Variants in CARMIL1 observed in about 807,000 individuals in gnomAD.
CARMIL1 encodes F-actin-uncapping protein LRRC16A.
In CARMIL1, 90 loss-of-function variants were observed where a neutral mutation model predicts 177.1. That is an observed-to-expected ratio of 0.51 (90% confidence interval 0.43 to 0.61). CARMIL1 has a LOEUF of 0.61. Ranked by LOEUF, CARMIL1 falls within the 20% of genes least tolerant of loss-of-function variation. CARMIL1 has a pLI of 0.00. For synonymous variants in CARMIL1, 577 were observed against 606.2 expected (o/e 0.95, Z 0.71); for missense variants, 1,380 against 1,667.0 (o/e 0.83, Z 3.00).
chr6:25,556,854 A>G lies in CARMIL1; in HGVS notation c.2742+4A>G, dbSNP rs748920498. 1.2e-6 allele frequency: 2 copies of G among 1,613,096 alleles called. No individual in the cohort carries two copies. Among genetic ancestry groups the G allele is most frequent in the Non-Finnish European group, 1.7e-6 (2 of 1,179,456 alleles). On this transcript the variant is annotated splice_donor_region_variant and intron_variant, in intron 29 of 36. Transcript: ENST00000329474. ...GGAAGATCTGGATACCTGTATGGTAAGACACATCCTCTGGTGGTACCGTTA... is the reference window on the plus strand; with the variant it reads ...GGAAGATCTGGATACCTGTATGGTAGGACACATCCTCTGGTGGTACCGTTA...
chr6:25,334,480 G>T (rs928528538), intron 2 of CARMIL1, among the ~76,000 whole-genome samples: 1 of 151,120 alleles, frequency 6.6e-6, no homozygotes, highest in African/African-American at 2.5e-5. Context: ...AATCAAATGG[G>T]GGAATTTGCA....
intron 2 of CARMIL1, among the ~76,000 whole-genome samples, chr6:25,393,772 G>A (rs1422847280): frequency 1.3e-5 from 2 of 150,918 alleles, no homozygotes; most frequent in South Asian, 2.1e-4. Flanking sequence ...CAGGAGGATC[G>A]CTTGAACCCA....
intron 17 of CARMIL1, among the ~76,000 whole-genome samples, chr6:25,503,122 G>A (rs1804572686): frequency 6.6e-6 from 1 of 152,144 alleles, no homozygotes; most frequent in Admixed American, 6.5e-5. Flanking sequence ...AGGTCAAATG[G>A]TTAATCTCCG....
intron 8 of CARMIL1, among the ~76,000 whole-genome samples, chr6:25,457,399 C>G (rs6456684): frequency 0.043 from 6,556 of 152,152 alleles, 343 homozygotes; most frequent in African/African-American, 0.13. Context: ...TAGGAATGTC[C>G]TCATCTGGGA....
intron 24 of CARMIL1, among the ~76,000 whole-genome samples, chr6:25,530,794 AGAGAAAGT>A (rs530881156): frequency 3.8e-4 from 58 of 152,310 alleles, no homozygotes; most frequent in African/African-American, 1.4e-3. Context: ...ATACAAGCTG[AGAGAAAGT>A]TTTTAAAAAT....
At chr6:25,279,894 T>G (rs1209698819) in intron 1 of CARMIL1, 59 bp downstream of exon 1, 24 of 1,562,660 alleles carry the variant, frequency 1.5e-5, no homozygotes, top group Non-Finnish European at 2.1e-5. Flanking sequence ...CACCTCTCTC[T>G]CCCTTCCCAC....
chr6:25,348,213 ACC>A (rs1787733947), intron 2 of CARMIL1, among the ~76,000 whole-genome samples: 1 of 151,800 alleles, frequency 6.6e-6, no homozygotes, highest in South Asian at 2.1e-4. Flanking sequence ...GCCCACTGCA[ACC>A]TCCGCCTCCC....
chr6:25,441,939 G>T (rs2150801011), intron 5 of CARMIL1, among the ~76,000 whole-genome samples: 1 of 152,064 alleles, frequency 6.6e-6, no homozygotes, highest in Non-Finnish European at 1.5e-5. Context: ...ACAGGTATGA[G>T]GTATGAAAAT....
chr6:25,404,813 A>G lies in CARMIL1; in HGVS notation c.139-15301A>G, dbSNP rs569868235. 4.7e-5 allele frequency among the ~76,000 whole-genome samples: 7 copies of G among 150,398 alleles called. 1 individual carries two copies. The East Asian group carries it at 1.4e-3, about 29-fold the overall frequency. ...CCCTGCTTCACACTAGGAAGTGGTT[A>G]ATGCCAAACTGGGGCACCCGGCCTG... On this transcript the variant is annotated intron_variant, in intron 2 of 36. Transcript: ENST00000329474.
At chr6:25,362,145 C>T (rs755343210) in intron 2 of CARMIL1, among the ~76,000 whole-genome samples, 1 of 152,154 alleles carries the variant, frequency 6.6e-6, no homozygotes, top group Non-Finnish European at 1.5e-5. Flanking sequence ...TAAGCAGCTC[C>T]CCCTCAGGCC....
intron 27 of CARMIL1, among the ~76,000 whole-genome samples, chr6:25,552,993 GT>G (rs1449409522): frequency 6.6e-6 from 1 of 152,034 alleles, no homozygotes; most frequent in Non-Finnish European, 1.5e-5. Flanking sequence ...GTGATACCTT[GT>G]TTCATGGGCA....
At chr6:25,452,242 CT>C (rs1799040760) in intron 8 of CARMIL1, 1 of 762,788 alleles carries the variant, frequency 1.3e-6, no homozygotes, top group African/African-American at 1.7e-5. Context: ...TTTTTTCCTG[CT>C]TAGAGCAGTT....
At chr6:25,478,106 C>T (rs1239628603) in intron 11 of CARMIL1, among the ~76,000 whole-genome samples, 1 of 152,076 alleles carries the variant, frequency 6.6e-6, no homozygotes, top group Admixed American at 6.5e-5. Context: ...TCGATTATTT[C>T]ATTTAGACAC....
intron 34 of CARMIL1, among the ~76,000 whole-genome samples, chr6:25,605,340 C>G (rs1283709396): frequency 4.6e-5 from 7 of 151,470 alleles, no homozygotes; most frequent in Non-Finnish European, 1.0e-4. Flanking sequence ...ATCCCTTGTC[C>G]CTCTGACTTC....
chr6:25,296,690 G>A (rs1169981398), intron 2 of CARMIL1, among the ~76,000 whole-genome samples: 2 of 152,182 alleles, frequency 1.3e-5, no homozygotes, highest in Non-Finnish European at 2.9e-5. Context: ...CCAGGCCAGT[G>A]AATGTTATCA....
At chr6:25,279,856 G>C (rs775159478) in intron 1 of CARMIL1, 21 bp downstream of exon 1, 1 of 1,613,638 alleles carries the variant, frequency 6.2e-7, no homozygotes, top group Non-Finnish European at 8.5e-7. Context: ...CGCGGTTGTT[G>C]GTTTTCCACC....
chr6:25,559,325 T>G (rs1057393653), intron 29 of CARMIL1, among the ~76,000 whole-genome samples: 2 of 152,146 alleles, frequency 1.3e-5, no homozygotes, highest in Non-Finnish European at 1.5e-5. Context: ...TACGATGCCA[T>G]TGGGGGAAAA....
intron 36 of CARMIL1, 100 bp from the exon 37 acceptor site, chr6:25,619,347 C>A (rs55641572): frequency 0.023 from 29,188 of 1,248,790 alleles, 468 homozygotes; most frequent in Middle Eastern, 0.05. Context: ...GCCCCCTCCC[C>A]TCCCCCAAAC....
intron 31 of CARMIL1, among the ~76,000 whole-genome samples, chr6:25,582,879 C>G (rs1429126803): frequency 3.3e-5 from 5 of 152,158 alleles, no homozygotes; most frequent in African/African-American, 1.2e-4. Context: ...GGAAAACAGC[C>G]TAGAGTATGC....
Sources: gnomAD v4.1 joint callset for allele counts (sites outside exome capture counted in the v4.1 genomes callset) on GRCh38, gnomAD v4.1.1 for gene constraint, MANE v1.5 for transcripts, NCBI Gene and HGNC (gene_info 2026-07-23, HGNC 2026-07-21) for gene names.